RUNX1: variants seen among roughly 807,000 people sequenced by gnomAD.
RUNX1 encodes runt-related transcription factor 1.
In RUNX1, 19 loss-of-function variants were observed where a neutral mutation model predicts 42.8. The ratio of observed to expected loss-of-function variants is 0.44; its 90% CI spans 0.31 to 0.65. RUNX1 has a LOEUF of 0.65. Ranked by LOEUF, RUNX1 falls within the 30% of genes least tolerant of loss-of-function variation. The pLI is 0.07. For missense variants in RUNX1, 528 were observed against 672.0 expected (o/e 0.79, Z 2.37); for synonymous variants, 271 against 289.4 (o/e 0.94, Z 0.64).
chr21:34,994,630 C>A (rs2058979120), intron 2 of RUNX1, among the ~76,000 whole-genome samples: 1 of 151,824 alleles, frequency 6.6e-6, no homozygotes, highest in African/African-American at 2.4e-5. Context: ...CACCTAAATG[C>A]CTAGGTACCT....
chr21:34,922,707 C>G (rs1437066081), intron 2 of RUNX1, among the ~76,000 whole-genome samples: 1 of 152,134 alleles, frequency 6.6e-6, no homozygotes, highest in Non-Finnish European at 1.5e-5. Flanking sequence ...CTGGGGAAGC[C>G]CCCTGTTCCC....
rs185551444 is a variant in RUNX1, at chr21:35,044,161, A to C, written c.58+4681T>G. 6.6e-5 allele frequency among the ~76,000 whole-genome samples: 10 copies of C among 152,302 alleles called. No individual in the cohort carries two copies. The East Asian group carries it at 1.9e-3, about 29-fold the overall frequency. On this transcript the variant is annotated intron_variant, in intron 2 of 8. Coordinates refer to ENST00000675419, the MANE Select transcript of RUNX1 (RefSeq NM_001754.5). Reference sequence around the variant, plus strand: ...GGTGAAAAGCCCTTAGGGTGGACTGAGTTACCCACTGCTGTCCATGCCCAT... The same window carrying C: ...GGTGAAAAGCCCTTAGGGTGGACTGCGTTACCCACTGCTGTCCATGCCCAT...
chr21:34,860,045 A>G (rs2057550150), intron 5 of RUNX1, among the ~76,000 whole-genome samples: 1 of 152,232 alleles, frequency 6.6e-6, no homozygotes, highest in South Asian at 2.1e-4. Flanking sequence ...AACAGGCTAA[A>G]TTAGAATCAT....
At chr21:34,813,282 G>T (rs1003274407) in intron 7 of RUNX1, among the ~76,000 whole-genome samples, 26 of 152,134 alleles carry the variant, frequency 1.7e-4, no homozygotes, top group Middle Eastern at 3.2e-3. Flanking sequence ...GTGCCCTAAA[G>T]TGTCAAAGAA....
In RUNX1 at chr21:34,818,304, G is replaced by A. The variant is rs1029026124; in HGVS notation, c.805+16106C>T. 2.6e-5 allele frequency among the ~76,000 whole-genome samples: 4 copies of A among 152,322 alleles called. No individual in the cohort carries two copies. The South Asian group carries it at 8.3e-4, about 32-fold the overall frequency. ...AATTATCCTTCATAAGAGGGCAACT[G>A]TTAGTATTGTTTGTTTGTTTTTTAA... On this transcript the variant is annotated intron_variant, in intron 7 of 8. Coordinates refer to ENST00000675419, the MANE Select transcript of RUNX1 (RefSeq NM_001754.5).
chr21:35,048,958 C>T lies in RUNX1; in HGVS notation c.-59G>A. 6.6e-7 allele frequency: 1 copy of T among 1,524,276 alleles called. No individual in the cohort carries two copies. Among genetic ancestry groups the T allele is most frequent in the East Asian group, 2.3e-5 (1 of 44,416 alleles). 94.4% of individuals were successfully genotyped at this position (1,524,276 alleles called of 1,614,324 possible). A position where few individuals can be genotyped will look rare whatever the true frequency, so the allele number is the denominator to read the frequency against. On this transcript the variant is annotated splice_region_variant and 5_prime_UTR_variant, in exon 2 of 9. Coordinates refer to ENST00000675419, the MANE Select transcript of RUNX1 (RefSeq NM_001754.5). Reference sequence around the variant, plus strand: ...GCGGGGGACTCAATGATTTCTTTTACCTTCGGAGCGAAAACCAAGACAGGT... The same window carrying T: ...GCGGGGGACTCAATGATTTCTTTTATCTTCGGAGCGAAAACCAAGACAGGT...
chr21:34,839,574 T>C (rs367858486), intron 6 of RUNX1, among the ~76,000 whole-genome samples: 5 of 152,102 alleles, frequency 3.3e-5, no homozygotes, highest in East Asian at 1.9e-4. Flanking sequence ...CTGCTCCCAG[T>C]GTGTGTGTAG....
At chr21:34,992,091 T>A (rs2058948224) in intron 2 of RUNX1, among the ~76,000 whole-genome samples, 1 of 152,188 alleles carries the variant, frequency 6.6e-6, no homozygotes, top group Non-Finnish European at 1.5e-5. Context: ...AGCCACCCAG[T>A]TTGTAGTAAT....
chr21:34,830,134 T>C lies in RUNX1; in HGVS notation c.805+4276A>G, dbSNP rs567720514. Among the ~76,000 whole-genome samples the C allele has an allele frequency of 5.0e-4, 76 of 152,326 alleles. 1 individual carries two copies. The South Asian group carries it at 0.015, about 30-fold the overall frequency. On this transcript the variant is annotated intron_variant, in intron 7 of 8. Transcript: ENST00000675419. ...TGATTTGAGAGGTCAGGGACCCCTCTTGGCCATATGGAACACTCAAAGTGA... is the reference window on the plus strand; with the variant it reads ...TGATTTGAGAGGTCAGGGACCCCTCCTGGCCATATGGAACACTCAAAGTGA...
chr21:34,799,779 A>G (rs1213791009), intron 7 of RUNX1, among the ~76,000 whole-genome samples: 2 of 152,250 alleles, frequency 1.3e-5, no homozygotes, highest in Non-Finnish European at 2.9e-5. Context: ...GTTGAACTGC[A>G]GCACTTGAGA....
intron 5 of RUNX1, among the ~76,000 whole-genome samples, chr21:34,860,947 G>A (rs555260093): frequency 6.6e-5 from 10 of 152,290 alleles, no homozygotes; most frequent in African/African-American, 2.4e-4. Context: ...AAGAGCAATA[G>A]CAAGTAACAA....
At chr21:35,036,807 G>C (rs542270986) in intron 2 of RUNX1, among the ~76,000 whole-genome samples, 2 of 152,342 alleles carry the variant, frequency 1.3e-5, no homozygotes, top group South Asian at 4.1e-4. Context: ...TGAAACAACT[G>C]CTTCTGGCTA....
intron 5 of RUNX1, among the ~76,000 whole-genome samples, chr21:34,862,100 G>A (rs1235839472): frequency 1.3e-5 from 2 of 151,972 alleles, no homozygotes; most frequent in Non-Finnish European, 2.9e-5. Context: ...AGGTCTAGGG[G>A]TGCATGTGGG....
intron 6 of RUNX1, among the ~76,000 whole-genome samples, chr21:34,839,989 C>A (rs932632792): frequency 6.6e-6 from 1 of 152,148 alleles, no homozygotes; most frequent in Non-Finnish European, 1.5e-5. Context: ...TTTTTTAACT[C>A]TTCAATACAC....
intron 2 of RUNX1, among the ~76,000 whole-genome samples, chr21:35,006,823 C>G (rs1432448276): frequency 6.6e-6 from 1 of 152,200 alleles, no homozygotes; most frequent in Non-Finnish European, 1.5e-5. Context: ...GAGCCTTTCT[C>G]TACCAGGCAA....
At chr21:34,996,728 T>C (rs1170886955) in intron 2 of RUNX1, among the ~76,000 whole-genome samples, 1 of 152,110 alleles carries the variant, frequency 6.6e-6, no homozygotes, top group Non-Finnish European at 1.5e-5. Flanking sequence ...TTCACAGAGA[T>C]CCTCATTAAA....
intron 2 of RUNX1, among the ~76,000 whole-genome samples, chr21:34,926,449 G>T (rs2058394189): frequency 1.0e-5 from 1 of 97,410 alleles, no homozygotes; most frequent in Non-Finnish European, 1.9e-5. Flanking sequence ...GCAACAGAGT[G>T]AGACCCAGTC....
chr21:34,835,000 C>A (rs1236424799), intron 6 of RUNX1, among the ~76,000 whole-genome samples: 1 of 152,208 alleles, frequency 6.6e-6, no homozygotes, highest in African/African-American at 2.4e-5. Flanking sequence ...GGAAAGGTGG[C>A]CTCCCAGGGG....
chr21:35,039,216 T>C (rs1023636763), intron 2 of RUNX1, among the ~76,000 whole-genome samples: 1 of 152,178 alleles, frequency 6.6e-6, no homozygotes, highest in Admixed American at 6.5e-5. Flanking sequence ...CTGCTAGTTA[T>C]GTGCATGCTT....
Sources: gnomAD v4.1 joint callset for allele counts (sites outside exome capture counted in the v4.1 genomes callset) on GRCh38, gnomAD v4.1.1 for gene constraint, MANE v1.5 for transcripts, NCBI Gene and HGNC (gene_info 2026-07-23, HGNC 2026-07-21) for gene names.